CDKL2: variants seen among roughly 807,000 people sequenced by gnomAD.
The protein encoded by CDKL2 is cyclin-dependent kinase-like 2.
A neutral mutation model predicts 63.9 loss-of-function variants in CDKL2; 64 were observed. The observed-to-expected ratio is 1.00, with a 90% CI of 0.82 to 1.23. CDKL2 has a LOEUF of 1.23. CDKL2 is among the 50% of genes most tolerant of loss of function. The pLI is 0.00. For missense variants in CDKL2, 656 were observed against 668.0 expected, an observed-to-expected ratio of 0.98 and a Z score of 0.20; for synonymous variants, 211 against 229.2, an observed-to-expected ratio of 0.92 and a Z score of 0.72.
Position 75,591,914 on chromosome 4 carries a change from T to C in CDKL2, c.1552A>G (p.Arg518Gly). 1 of 1,535,290 alleles carries C rather than the reference T, an allele frequency of 6.5e-7. No individual in the cohort carries two copies. The highest frequency in any genetic ancestry group is 1.2e-5 in the South Asian group (1 of 84,036). Residue 518 changes from arginine (R) to glycine (G), a missense_variant, in exon 12 of 14, where the codon AGG (arginine) becomes GGG (glycine). Transcript: ENST00000307465. ...RALGGIARNSRLTKKESKILS... is the reference protein window; with the variant it reads ...RALGGIARNSGLTKKESKILS... ...ATTTTGCTCTCTTTCTTTGTTAGCC[T>C]GGAATTTCGAGCTAGATAGAAATGA...
rs560095578 is a variant in CDKL2 at position 75,576,946 on chromosome 4, C to G, written c.*2256G>C. 6.6e-6 allele frequency among the ~76,000 whole-genome samples: 1 copy of G among 152,272 alleles called. No homozygotes were observed. Among genetic ancestry groups the G allele is most frequent in the South Asian group, 2.1e-4 (1 of 4,834 alleles). ...GAAATGTTATTTTATGACCATGCTGCTTATATCACCAGCTATACAAGAAAA... is the reference window on the plus strand; with the variant it reads ...GAAATGTTATTTTATGACCATGCTGGTTATATCACCAGCTATACAAGAAAA... On this transcript the variant is annotated 3_prime_UTR_variant, in exon 14 of 14. Transcript: ENST00000307465.
chr4:75,625,394 C>T (rs1730354017), intron 2 of CDKL2, among the ~76,000 whole-genome samples: 1 of 151,872 alleles, frequency 6.6e-6, no homozygotes, highest in Admixed American at 6.6e-5. Context: ...ATATTGTTAA[C>T]AATCAAAATT....
intron 10 of CDKL2, 96 bp from the exon 11 acceptor site, chr4:75,592,365 G>C: frequency 9.1e-7 from 1 of 1,097,350 alleles, no homozygotes; most frequent in Non-Finnish European, 1.2e-6. Flanking sequence ...CCTAAAATTT[G>C]TGAAATTGAA....
At position 75,625,763 on chromosome 4, in the gene CDKL2, A is replaced by T. The variant is rs569646751; in HGVS notation, c.168+58T>A. The T allele has an allele frequency of 1.8e-5, 23 of 1,273,052 alleles. No homozygotes were observed. The East Asian group carries it at 5.1e-4, about 28-fold the overall frequency. The allele number at this position is 1,273,052 out of a possible 1,614,324, so 78.9% of individuals were successfully genotyped here. ...ATATCTAATCATTGTATTTCTTCTT[A>T]TTGCCAAAAAAGAAACTTATACTCA... On this transcript the variant is annotated intron_variant, in intron 2 of 13. Transcript: ENST00000307465.
chr4:75,596,242 C>T lies in CDKL2; in HGVS notation c.1416+5G>A. 6.4e-7 allele frequency: 1 copy of T among 1,554,658 alleles called. No individual in the cohort carries two copies. Among genetic ancestry groups the T allele is most frequent in the Non-Finnish European group, 8.9e-7 (1 of 1,125,950 alleles). ...CTCTTCTACTACTGAGAACTGCTTA[C>T]TTACTAATGTGGTCACATTAATGTT... is the stretch of plus-strand genomic sequence containing the variant. On this transcript the variant is annotated splice_donor_5th_base_variant and intron_variant, in intron 10 of 13. Coordinates refer to ENST00000307465, the MANE Select transcript of CDKL2 (RefSeq NM_001330724.2).
intron 2 of CDKL2, among the ~76,000 whole-genome samples, chr4:75,618,239 C>CTTTTTTTTTTTTTTTT (rs56002333): frequency 1.9e-5 from 1 of 52,946 alleles, no homozygotes; most frequent in Non-Finnish European, 3.2e-5. Context: ...ATTGAAAATT[C>CTTTTTTTTTTTTTTTT]TTTTTTTTTT....
chr4:75,597,953 C>A (rs1436048930), intron 8 of CDKL2, 124 bp downstream of exon 8: 3 of 577,884 alleles, frequency 5.2e-6, no homozygotes, highest in Non-Finnish European at 8.8e-6. Flanking sequence ...TACATTTTTA[C>A]AACTAAACTA....
At chr4:75,625,046 CTT>C (rs1294492001) in intron 2 of CDKL2, among the ~76,000 whole-genome samples, 1 of 152,092 alleles carries the variant, frequency 6.6e-6, no homozygotes, top group Non-Finnish European at 1.5e-5. Context: ...CAAAGGAAGA[CTT>C]TAACATATTT....
intron 10 of CDKL2, among the ~76,000 whole-genome samples, chr4:75,594,579 A>C (rs1728838117): frequency 6.6e-6 from 1 of 152,182 alleles, no homozygotes; most frequent in Non-Finnish European, 1.5e-5. Context: ...AAATAAGAGT[A>C]TATAGACGAT....
rs572009960 is a variant in CDKL2 at position 75,630,319 on chromosome 4, T to C, written c.-307A>G. 7 of 152,758 alleles carry C rather than the reference T, an allele frequency of 4.6e-5. No homozygotes were observed. Among genetic ancestry groups the C allele is most frequent in the South Asian group, 2.1e-4 (1 of 4,822 alleles). The allele number at this position is 152,758 out of a possible 1,614,324, so 9.5% of individuals were successfully genotyped here. A position where few individuals can be genotyped will look rare whatever the true frequency, so the allele number is the denominator to read the frequency against. ...AACGACCTCACTCTGTCCCCAACCA[T>C]AGGCACAAAGTCTTGGGAGACAGAT... On this transcript the variant is annotated 5_prime_UTR_variant, in exon 1 of 14. It removes an upstream start codon present in the reference 5' UTR. Coordinates refer to ENST00000307465, the MANE Select transcript of CDKL2 (RefSeq NM_001330724.2).
intron 2 of CDKL2, among the ~76,000 whole-genome samples, chr4:75,620,708 A>T (rs960494311): frequency 6.6e-6 from 1 of 152,182 alleles, no homozygotes; most frequent in Admixed American, 6.5e-5. Flanking sequence ...AGGGAAGACT[A>T]AGAGGATCAG....
At chr4:75,621,296 CAA>C (rs59563954) in intron 2 of CDKL2, among the ~76,000 whole-genome samples, 127 of 129,092 alleles carry the variant, frequency 9.8e-4, no homozygotes, top group East Asian at 4.3e-3. Context: ...AATTAACAGA[CAA>C]AAAAAAAAAA....
At chr4:75,625,069 T>C (rs1730340097) in intron 2 of CDKL2, among the ~76,000 whole-genome samples, 1 of 152,124 alleles carries the variant, frequency 6.6e-6, no homozygotes, top group African/African-American at 2.4e-5. Flanking sequence ...CTTCTCAGTG[T>C]TGGATAAAAC....
chr4:75,616,079 TGAAATA>T (rs1329779023), intron 2 of CDKL2, among the ~76,000 whole-genome samples: 2 of 152,072 alleles, frequency 1.3e-5, no homozygotes, highest in African/African-American at 4.8e-5. Context: ...GGAGAGAAAA[TGAAATA>T]GAAATAGAAT....
Position 75,577,879 on chromosome 4 carries a change from C to T in CDKL2, c.*1323G>A, listed in dbSNP as rs1353479249. ...CTTTTGAGGCTTAAATATCCAAGGT[C>T]AGAATTTCAGTATTAAGCTCCTCAG... On this transcript the variant is annotated 3_prime_UTR_variant, in exon 14 of 14. Transcript: ENST00000307465. 1 of 151,696 alleles carries T rather than the reference C, an allele frequency of 6.6e-6. No homozygotes were observed. Among genetic ancestry groups the T allele is most frequent in the Non-Finnish European group, 1.5e-5 (1 of 67,924 alleles). 9.4% of individuals were successfully genotyped at this position (151,696 alleles called of 1,614,324 possible).
intron 8 of CDKL2, 148 bp from the exon 9 acceptor site, chr4:75,597,384 A>G (rs1057355289): frequency 1.6e-6 from 1 of 611,206 alleles, no homozygotes; most frequent in African/African-American, 1.8e-5. Flanking sequence ...AGGGGATTAA[A>G]ATTAAAGCCA....
At chr4:75,604,207 A>G (rs975754092) in intron 5 of CDKL2, among the ~76,000 whole-genome samples, 6 of 152,244 alleles carry the variant, frequency 3.9e-5, no homozygotes, top group Non-Finnish European at 7.3e-5. Flanking sequence ...TTCGTTTCTA[A>G]CTAGAAAGCA....
At chr4:75,618,224 C>A (rs987085005) in intron 2 of CDKL2, among the ~76,000 whole-genome samples, 1 of 146,008 alleles carries the variant, frequency 6.8e-6, no homozygotes, top group Admixed American at 6.9e-5. Context: ...CAGACCAGGC[C>A]TCCAATTGAA....
intron 6 of CDKL2, 97 bp from the exon 7 acceptor site, chr4:75,600,466 T>C (rs975759247): frequency 8.1e-6 from 5 of 617,352 alleles, no homozygotes; most frequent in Non-Finnish European, 1.3e-5. Context: ...AGTCAACGAT[T>C]TTTTTTTTTA....
Sources: gnomAD v4.1 joint callset for allele counts (sites outside exome capture counted in the v4.1 genomes callset) on GRCh38, gnomAD v4.1.1 for gene constraint, MANE v1.5 for transcripts, NCBI Gene and HGNC (gene_info 2026-07-23, HGNC 2026-07-21) for gene names.